Variants in RCOR1 observed in about 807,000 individuals in gnomAD.
RCOR1 encodes the protein REST corepressor 1.
In RCOR1, 12 loss-of-function variants were observed where a neutral mutation model predicts 64.0. The observed-to-expected ratio is 0.19, with a 90% CI of 0.12 to 0.30. RCOR1 has a LOEUF of 0.30. Among genes scored for constraint, RCOR1 ranks in the 10% least tolerant of loss-of-function variants. RCOR1 has a pLI of 1.00. For synonymous variants in RCOR1, 279 were observed against 227.2 expected, an observed-to-expected ratio of 1.23 and a Z score of -2.05; for missense variants, 502 against 621.2, an observed-to-expected ratio of 0.81 and a Z score of 2.04.
At chr14:102,643,309 A>C in intron 2 of RCOR1, 1 of 978,438 alleles carries the variant, frequency 1.0e-6, no homozygotes, top group Non-Finnish European at 1.2e-6. Flanking sequence ...GGAAGAGATT[A>C]GAAAAGATGT....
At chr14:102,670,006 A>G (rs1190906813) in intron 2 of RCOR1, among the ~76,000 whole-genome samples, 1 of 152,222 alleles carries the variant, frequency 6.6e-6, no homozygotes, top group African/African-American at 2.4e-5. Context: ...GCTGGAGTGC[A>G]GTGGTGTGAC....
At chr14:102,628,893 CTTT>C (rs569423625) in intron 2 of RCOR1, among the ~76,000 whole-genome samples, 9 of 139,214 alleles carry the variant, frequency 6.5e-5, no homozygotes, top group Admixed American at 1.5e-4. Context: ...CCAACTTGCT[CTTT>C]TTTTTTTTTT....
chr14:102,608,178 G>C (rs535622805), intron 2 of RCOR1, among the ~76,000 whole-genome samples: 1 of 152,234 alleles, frequency 6.6e-6, no homozygotes, highest in African/African-American at 2.4e-5. Flanking sequence ...ACCCTAAAAA[G>C]AAAATCTCAC....
At chr14:102,623,388 T>A (rs1893915220) in intron 2 of RCOR1, among the ~76,000 whole-genome samples, 1 of 50,756 alleles carries the variant, frequency 2.0e-5, no homozygotes, top group Non-Finnish European at 4.0e-5. Flanking sequence ...TATTTATTTA[T>A]TATTTATTTA....
rs1049532770 is a variant in RCOR1 at position 102,729,899 on chromosome 14, A to G, written c.*3393A>G. The G allele has an allele frequency of 1.3e-5, 5 of 398,968 alleles. No homozygotes were observed. The highest frequency in any genetic ancestry group is 1.0e-4 in the African/African-American group (5 of 48,630). 24.7% of individuals were successfully genotyped at this position (398,968 alleles called of 1,614,324 possible). On this transcript the variant is annotated 3_prime_UTR_variant, in exon 12 of 12. Coordinates refer to ENST00000262241, the MANE Select transcript of RCOR1 (RefSeq NM_015156.4). ...AGCCTGTTTCTAAACCGAATGATCCAGGATTCAAGCTTCTATTGTCAAGTG... is the reference window on the plus strand; with the variant it reads ...AGCCTGTTTCTAAACCGAATGATCCGGGATTCAAGCTTCTATTGTCAAGTG...
intron 2 of RCOR1, among the ~76,000 whole-genome samples, chr14:102,610,683 C>G (rs953214352): frequency 6.6e-6 from 1 of 152,090 alleles, no homozygotes; most frequent in African/African-American, 2.4e-5. Context: ...CTGCCTTAGC[C>G]TCCTGAGTAG....
intron 2 of RCOR1, among the ~76,000 whole-genome samples, chr14:102,616,242 G>A (rs867212088): frequency 1.9e-5 from 2 of 104,342 alleles, no homozygotes; most frequent in Non-Finnish European, 4.4e-5. Context: ...GTGTGTGTGT[G>A]TGTGTGTATG....
At chr14:102,634,909 C>T (rs1162752617) in intron 2 of RCOR1, among the ~76,000 whole-genome samples, 3 of 150,204 alleles carry the variant, frequency 2.0e-5, no homozygotes, top group South Asian at 2.1e-4. Flanking sequence ...GGTTTCACCA[C>T]GTTGGTCAGG....
chr14:102,657,948 G>T lies in RCOR1; in HGVS notation c.362-23947G>T, dbSNP rs1344446103. 2.4e-5 allele frequency: 24 copies of T among 979,998 alleles called. No individual in the cohort carries two copies. The Admixed American group carries it at 4.9e-4, about 20-fold the overall frequency. 60.7% of individuals were successfully genotyped at this position (979,998 alleles called of 1,614,324 possible). A position where few individuals can be genotyped will look rare whatever the true frequency, so the allele number is the denominator to read the frequency against. ...AGTGAAAGAGTTTTCTTTATGAGGG[G>T]TGTTCTTTTTAATTTAATTTAATTA... On this transcript the variant is annotated intron_variant, in intron 2 of 11. Coordinates refer to ENST00000262241, the MANE Select transcript of RCOR1 (RefSeq NM_015156.4).
At chr14:102,718,004 G>A (rs144211071) in intron 8 of RCOR1, among the ~76,000 whole-genome samples, 1 of 152,178 alleles carries the variant, frequency 6.6e-6, no homozygotes, top group African/African-American at 2.4e-5. Flanking sequence ...GCCATGTTTG[G>A]TATATCAAGG....
At chr14:102,696,368 A>T (rs75036324) in intron 3 of RCOR1, among the ~76,000 whole-genome samples, 22 of 152,262 alleles carry the variant, frequency 1.4e-4, no homozygotes, top group African/African-American at 5.3e-4. Flanking sequence ...GAGGAAGCCC[A>T]TAACTCATTC....
chr14:102,602,859 G>T (rs1171265173), intron 2 of RCOR1, among the ~76,000 whole-genome samples: 2 of 151,822 alleles, frequency 1.3e-5, no homozygotes, highest in African/African-American at 4.8e-5. Flanking sequence ...GCATGAGCCA[G>T]TATGCCTGAC....
intron 2 of RCOR1, among the ~76,000 whole-genome samples, chr14:102,614,312 C>A (rs962965340): frequency 1.3e-5 from 2 of 149,304 alleles, no homozygotes. Flanking sequence ...GCAAGCTCCG[C>A]TTCCTGGATT....
chr14:102,696,704 C>T (rs1895656570), intron 3 of RCOR1, among the ~76,000 whole-genome samples: 1 of 152,044 alleles, frequency 6.6e-6, no homozygotes, highest in African/African-American at 2.4e-5. Flanking sequence ...CCCACGGATC[C>T]CTCTTTTCTT....
At chr14:102,646,013 C>T (rs1425245988) in intron 2 of RCOR1, among the ~76,000 whole-genome samples, 4 of 151,640 alleles carry the variant, frequency 2.6e-5, no homozygotes, top group African/African-American at 9.8e-5. Flanking sequence ...ATGACTTAGT[C>T]TTGGAAGTTA....
chr14:102,674,263 A>G (rs1895092944), intron 2 of RCOR1, among the ~76,000 whole-genome samples: 1 of 152,208 alleles, frequency 6.6e-6, no homozygotes, highest in African/African-American at 2.4e-5. Context: ...TGTTAACCAT[A>G]TCTACTAAAT....
chr14:102,726,739 G>A lies in RCOR1; in HGVS notation c.*233G>A, dbSNP rs1304160902. The stretch of plus-strand genomic sequence containing the variant: ...GCATCTCACACTCTGCCCACGTGCT[G>A]GGGAAGTCTCACGGCCTGCACATCT... On this transcript the variant is annotated 3_prime_UTR_variant, in exon 12 of 12. Coordinates refer to ENST00000262241, the MANE Select transcript of RCOR1 (RefSeq NM_015156.4). 7.7e-6 allele frequency: 4 copies of A among 522,484 alleles called. No homozygotes were observed. Among genetic ancestry groups the A allele is most frequent in the Non-Finnish European group, 1.0e-5 (3 of 300,586 alleles). 32.4% of individuals were successfully genotyped at this position (522,484 alleles called of 1,614,324 possible). A position where few individuals can be genotyped will look rare whatever the true frequency, so the allele number is the denominator to read the frequency against.
intron 2 of RCOR1, among the ~76,000 whole-genome samples, chr14:102,674,640 C>T (rs1567431297): frequency 6.6e-6 from 1 of 152,152 alleles, no homozygotes; most frequent in African/African-American, 2.4e-5. Flanking sequence ...AGTAGTTGAA[C>T]CACTGTACAG....
chr14:102,703,091 T>C (rs975724878), intron 4 of RCOR1, among the ~76,000 whole-genome samples: 7 of 152,124 alleles, frequency 4.6e-5, no homozygotes, highest in Admixed American at 6.5e-5. Context: ...AAAAATTCAC[T>C]AGACGTGCTC....
Sources: allele counts gnomAD v4.1 joint callset (sites outside exome capture counted in the v4.1 genomes callset), GRCh38; gene constraint gnomAD v4.1.1; transcripts MANE v1.5; gene names NCBI Gene and HGNC (gene_info 2026-07-23, HGNC 2026-07-21).